The following TINAG variants were observed in gnomAD, a reference collection of about 807,000 sequenced individuals.
TINAG encodes the protein tubulointerstitial nephritis antigen.
In TINAG, 83 loss-of-function variants were observed where a neutral mutation model predicts 72.7. The observed-to-expected ratio is 1.14, with a 90% CI of 0.96 to 1.37. The LOEUF is 1.37. Among genes scored for constraint, TINAG ranks in the 40% most tolerant of loss-of-function variants. The probability of loss-of-function intolerance (pLI) is 0.00; values close to 1 mark genes in which losing one functional copy is unlikely to be tolerated. For missense variants in TINAG, 685 were observed against 576.6 expected, an observed-to-expected ratio of 1.19 and a Z score of -1.93; for synonymous variants, 234 against 189.9, an observed-to-expected ratio of 1.23 and a Z score of -1.91.
At chr6:54,325,856 A>G (rs901953781) in intron 3 of TINAG, among the ~76,000 whole-genome samples, 1 of 152,210 alleles carries the variant, frequency 6.6e-6, no homozygotes, top group Admixed American at 6.5e-5. Flanking sequence ...TTATGAACTA[A>G]CAGATCTTGT....
At chr6:54,325,675 A>G (rs1784587120) in intron 3 of TINAG, among the ~76,000 whole-genome samples, 2 of 152,150 alleles carry the variant, frequency 1.3e-5, no homozygotes, top group Admixed American at 1.3e-4. Flanking sequence ...AATGTCTCTG[A>G]CCTGATGTTT....
At chr6:54,329,632 T>G (rs767385817) in intron 4 of TINAG, among the ~76,000 whole-genome samples, 3 of 152,140 alleles carry the variant, frequency 2.0e-5, no homozygotes, top group Non-Finnish European at 2.9e-5. Flanking sequence ...ATATTAACTT[T>G]AAATGTAAAT....
At chr6:54,371,685 A>G (rs1677527586) in intron 9 of TINAG, among the ~76,000 whole-genome samples, 1 of 152,088 alleles carries the variant, frequency 6.6e-6, no homozygotes, top group African/African-American at 2.4e-5. Context: ...GGTAAATGCG[A>G]TAAAATTTTT....
At chr6:54,350,718 G>C (rs956532592) in intron 7 of TINAG, among the ~76,000 whole-genome samples, 1 of 149,698 alleles carries the variant, frequency 6.7e-6, no homozygotes, top group Non-Finnish European at 1.5e-5. Flanking sequence ...CGTTTTCCTT[G>C]ATTTCCAGGC....
intron 10 of TINAG, among the ~76,000 whole-genome samples, chr6:54,381,003 C>A (rs1434355666): frequency 6.9e-6 from 1 of 144,516 alleles, no homozygotes; most frequent in East Asian, 2.1e-4. Flanking sequence ...ATTTATATGG[C>A]ATATATATTT....
intron 10 of TINAG, among the ~76,000 whole-genome samples, chr6:54,381,533 C>T (rs1384617314): frequency 1.3e-5 from 2 of 151,962 alleles, no homozygotes; most frequent in Non-Finnish European, 2.9e-5. Flanking sequence ...AATTCAATCA[C>T]CCAATTATGT....
chr6:54,354,609 T>C lies in TINAG; in HGVS notation c.1223T>C (p.Leu408Pro), dbSNP rs112076007. ...AAAGAATCAGAAAAATATCGAAAGC[T>C]TCAGACACATGCAGTCAAACTCACT... The part of the protein sequence containing the change: ...TNKESEKYRK[L>P]QTHAVKLTGW... Residue 408 changes from leucine (L) to proline (P), a missense_variant, in exon 9 of 11, where the codon CTT (leucine) becomes CCT (proline). Leu to Pro is a moderately conservative substitution (Grantham distance 98, BLOSUM62 -3). Coordinates refer to ENST00000259782, the MANE Select transcript of TINAG (RefSeq NM_014464.4). The C allele has an allele frequency of 2.4e-4, 390 of 1,610,606 alleles. No individual in the cohort carries two copies. The highest frequency in any genetic ancestry group is 1.7e-4 in the Non-Finnish European group (204 of 1,178,144).
chr6:54,354,583 TAAAG>T lies in TINAG; in HGVS notation c.1200_1203del (p.Lys400AsnfsTer21). 6.2e-7 allele frequency: 1 copy of T among 1,610,866 alleles called. No individual in the cohort carries two copies. The highest frequency in any genetic ancestry group is 8.5e-7 in the Non-Finnish European group (1 of 1,178,202). The stretch of plus-strand genomic sequence containing the variant: ...TATACAGACATGTTACCAGCACAAA[TAAAG>T]AATCAGAAAAATATCGAAAGCTTCA... On this transcript the variant is annotated frameshift_variant, in exon 9 of 11. Transcript: ENST00000259782. LOFTEE classifies it high-confidence loss of function.
chr6:54,320,071 T>G (rs1244840259), intron 1 of TINAG, among the ~76,000 whole-genome samples: 1 of 152,100 alleles, frequency 6.6e-6, no homozygotes, highest in Non-Finnish European at 1.5e-5. Flanking sequence ...TTTCCTGAAT[T>G]TTTTCCCTTA....
intron 1 of TINAG, among the ~76,000 whole-genome samples, chr6:54,320,297 TA>T (rs1784459960): frequency 6.6e-6 from 1 of 152,136 alleles, no homozygotes; most frequent in African/African-American, 2.4e-5. Context: ...AATTATTTTT[TA>T]AGCATAGTGA....
chr6:54,377,602 A>G (rs1309041432), intron 9 of TINAG, among the ~76,000 whole-genome samples: 2 of 152,160 alleles, frequency 1.3e-5, no homozygotes, highest in Non-Finnish European at 2.9e-5. Context: ...TCTTCAAATG[A>G]AGAGGTATAT....
chr6:54,348,682 A>G (rs1447600221), intron 6 of TINAG, among the ~76,000 whole-genome samples: 1 of 152,078 alleles, frequency 6.6e-6, no homozygotes, highest in African/African-American at 2.4e-5. Context: ...CTTTAAAGTT[A>G]ATAATCTCCC....
At chr6:54,357,984 C>T (rs748869621) in intron 9 of TINAG, among the ~76,000 whole-genome samples, 30 of 151,874 alleles carry the variant, frequency 2.0e-4, no homozygotes, top group Non-Finnish European at 3.7e-4. Context: ...GACTCCCACT[C>T]CCATCAACTT....
rs776984095 is a variant in TINAG at position 54,347,347 on chromosome 6, T to C, written c.749-20T>C. ...TACCGTGTATCATTTCAATATTAATTGATATTCTATTTGAAACAGGTGTGG... is the reference window on the plus strand; with the variant it reads ...TACCGTGTATCATTTCAATATTAATCGATATTCTATTTGAAACAGGTGTGG... On this transcript the variant is annotated intron_variant, in intron 5 of 10. Transcript: ENST00000259782. 1.2e-6 allele frequency: 2 copies of C among 1,610,406 alleles called. No individual in the cohort carries two copies. Among genetic ancestry groups the C allele is most frequent in the Admixed American group, 3.4e-5 (2 of 59,516 alleles).
intron 9 of TINAG, among the ~76,000 whole-genome samples, chr6:54,366,395 GT>G (rs568373152): frequency 7.3e-5 from 11 of 151,380 alleles, no homozygotes; most frequent in Non-Finnish European, 1.3e-4. Context: ...AACAAATGCA[GT>G]TTTTTTAATA....
intron 4 of TINAG, among the ~76,000 whole-genome samples, chr6:54,342,280 A>G (rs1021844187): frequency 5.9e-5 from 9 of 152,182 alleles, no homozygotes; most frequent in Non-Finnish European, 1.5e-5. Context: ...ATGGCAGCCA[A>G]AACAGACTTT....
intron 9 of TINAG, chr6:54,369,898 A>G (rs938199224): frequency 1.3e-5 from 2 of 152,058 alleles, no homozygotes; most frequent in Non-Finnish European, 2.9e-5. Context: ...GAATTTTTTC[A>G]ATGAAAAGTT....
chr6:54,372,615 A>T (rs1008807074), intron 9 of TINAG, among the ~76,000 whole-genome samples: 5 of 151,570 alleles, frequency 3.3e-5, no homozygotes, highest in African/African-American at 1.2e-4. Context: ...AAAAGAGAGC[A>T]CTTGCTGGGT....
chr6:54,351,216 T>C, intron 7 of TINAG, 136 bp from the exon 8 acceptor site: 1 of 660,968 alleles, frequency 1.5e-6, no homozygotes, highest in Non-Finnish European at 2.5e-6. Context: ...ACAATTTCAT[T>C]AATGTAGCAT....
Sources: allele counts gnomAD v4.1 joint callset (sites outside exome capture counted in the v4.1 genomes callset), GRCh38; gene constraint gnomAD v4.1.1; transcripts MANE v1.5; gene names NCBI Gene and HGNC (gene_info 2026-07-23, HGNC 2026-07-21).